The following BCL2 variants were observed in gnomAD, a reference collection of about 807,000 sequenced individuals.
BCL2 encodes the protein apoptosis regulator Bcl-2.
BCL2 carries 1 observed loss-of-function variant against 14.2 expected under a neutral mutation model. The observed-to-expected ratio is 0.07, with a 90% confidence interval of 0.02 to 0.33. The LOEUF (loss-of-function observed/expected upper bound fraction) is 0.33, where lower values mean the gene tolerates loss of function less well. Ranked by LOEUF, BCL2 falls within the 10% of genes least tolerant of loss-of-function variation. The pLI, the probability that BCL2 is intolerant of heterozygous loss-of-function variation, is 0.99. For synonymous variants in BCL2, 151 were observed against 137.2 expected, an observed-to-expected ratio of 1.10 and a Z score of -0.70; for missense variants, 247 against 305.9, an observed-to-expected ratio of 0.81 and a Z score of 1.44.
chr18:63,240,951 T>C (rs1467064599), intron 2 of BCL2, among the ~76,000 whole-genome samples: 2 of 152,234 alleles, frequency 1.3e-5, no homozygotes, highest in Non-Finnish European at 1.5e-5. Context: ...ATAAATACCA[T>C]GAAAATATCT....
chr18:63,177,677 A>G (rs932204936), intron 2 of BCL2, among the ~76,000 whole-genome samples: 1 of 152,220 alleles, frequency 6.6e-6, no homozygotes, highest in South Asian at 2.1e-4. Flanking sequence ...ATGAGTAACA[A>G]AGTTATTCTG....
intron 2 of BCL2, among the ~76,000 whole-genome samples, chr18:63,269,668 A>T (rs893556605): frequency 6.6e-6 from 1 of 152,210 alleles, no homozygotes; most frequent in African/African-American, 2.4e-5. Flanking sequence ...AGTTTAATTG[A>T]CTTAAAATAT....
At chr18:63,223,907 C>T (rs1316562135) in intron 2 of BCL2, among the ~76,000 whole-genome samples, 2 of 151,852 alleles carry the variant, frequency 1.3e-5, no homozygotes, top group African/African-American at 2.4e-5. Flanking sequence ...AAAGTCTCTA[C>T]AGGAAAGACA....
intron 2 of BCL2, among the ~76,000 whole-genome samples, chr18:63,216,790 AG>A (rs750784025): frequency 6.6e-6 from 1 of 152,260 alleles, no homozygotes; most frequent in Admixed American, 6.5e-5. Flanking sequence ...CACCAAAAAA[AG>A]ATTCCAATGT....
In BCL2 at chr18:63,319,326, G is replaced by A. The variant is rs1297876871; in HGVS notation, c.-439C>T. On this transcript the variant is annotated 5_prime_UTR_variant, in exon 1 of 3. Coordinates refer to ENST00000333681, the MANE Select transcript of BCL2 (RefSeq NM_000633.3). ...ATGAATCAGGAGTCGCGGGGAGAGG[G>A]AGTAAAAATTAGGAGGATTTCCAGA... The A allele has an allele frequency of 2.2e-5, 5 of 227,630 alleles. 1 individual carries two copies. The South Asian group carries it at 9.1e-4, about 42-fold the overall frequency. The allele number at this position is 227,630 out of a possible 1,614,324, so 14.1% of individuals were successfully genotyped here.
intron 2 of BCL2, among the ~76,000 whole-genome samples, chr18:63,212,449 G>A (rs1568235508): frequency 1.3e-5 from 2 of 151,898 alleles, no homozygotes; most frequent in African/African-American, 4.8e-5. Context: ...GCATTTAACA[G>A]CCACGTGAAG....
chr18:63,126,829 T>G lies in BCL2; in HGVS notation c.*1796A>C, dbSNP rs1272270111. 4.4e-6 allele frequency: 1 copy of G among 228,746 alleles called. No individual in the cohort carries two copies. The highest frequency in any genetic ancestry group is 8.7e-6 in the Non-Finnish European group (1 of 115,150). The allele number at this position is 228,746 out of a possible 1,614,324, so 14.2% of individuals were successfully genotyped here. ...ATGCATGTATTTTTTTAAAGCAGCT[T>G]TCGAAATATCAACCACAGCATTAAA... On this transcript the variant is annotated 3_prime_UTR_variant, in exon 3 of 3. Transcript: ENST00000333681.
intron 2 of BCL2, among the ~76,000 whole-genome samples, chr18:63,142,206 G>A (rs1395034507): frequency 6.6e-6 from 1 of 152,234 alleles, no homozygotes; most frequent in Non-Finnish European, 1.5e-5. Flanking sequence ...TTTGCTGAAA[G>A]TGGCCTCAGA....
chr18:63,310,188 T>G (rs984764118), intron 2 of BCL2, among the ~76,000 whole-genome samples: 4 of 152,172 alleles, frequency 2.6e-5, no homozygotes, highest in African/African-American at 9.7e-5. Context: ...TGATCCAAAG[T>G]TGGTTGAATC....
At chr18:63,281,235 T>C (rs1389894178) in intron 2 of BCL2, among the ~76,000 whole-genome samples, 1 of 152,088 alleles carries the variant, frequency 6.6e-6, no homozygotes, top group Non-Finnish European at 1.5e-5. Flanking sequence ...AAAAATAATC[T>C]GGTGATAAAT....
intron 2 of BCL2, among the ~76,000 whole-genome samples, chr18:63,165,049 T>G (rs532112686): frequency 6.6e-6 from 1 of 152,172 alleles, no homozygotes. Context: ...TGTGCACATG[T>G]ACCCTAAAAC....
At chr18:63,283,539 T>C (rs1016817425) in intron 2 of BCL2, among the ~76,000 whole-genome samples, 1 of 152,232 alleles carries the variant, frequency 6.6e-6, no homozygotes, top group Non-Finnish European at 1.5e-5. Flanking sequence ...AGTACAAATG[T>C]ACTGTATCTG....
At chr18:63,229,696 C>T (rs1910640756) in intron 2 of BCL2, among the ~76,000 whole-genome samples, 1 of 152,186 alleles carries the variant, frequency 6.6e-6, no homozygotes, top group African/African-American at 2.4e-5. Flanking sequence ...ATTCTGGCAC[C>T]ATGACTGTAC....
chr18:63,273,968 A>G (rs1268591369), intron 2 of BCL2, among the ~76,000 whole-genome samples: 1 of 152,206 alleles, frequency 6.6e-6, no homozygotes, highest in Non-Finnish European at 1.5e-5. Context: ...TATTCCTCAA[A>G]AAGGAGGGGA....
rs1394921437 is a variant in BCL2 at position 63,127,286 on chromosome 18, G to A, written c.*1339C>T. On this transcript the variant is annotated 3_prime_UTR_variant, in exon 3 of 3. Transcript: ENST00000333681. ...TGGGCCAAGGCCACACAGCCAACGTGCCATGTGCTACAGCCAAAATGGGCC... is the reference window on the plus strand; with the variant it reads ...TGGGCCAAGGCCACACAGCCAACGTACCATGTGCTACAGCCAAAATGGGCC... The A allele has an allele frequency of 1.3e-5, 3 of 231,472 alleles. No individual in the cohort carries two copies. Among genetic ancestry groups the A allele is most frequent in the Non-Finnish European group, 2.6e-5 (3 of 116,934 alleles). 14.3% of individuals were successfully genotyped at this position (231,472 alleles called of 1,614,324 possible). A position where few individuals can be genotyped will look rare whatever the true frequency, so the allele number is the denominator to read the frequency against.
rs1302467487 is a variant in BCL2 at position 63,126,310 on chromosome 18, A to C, written c.*2315T>G. On this transcript the variant is annotated 3_prime_UTR_variant, in exon 3 of 3. Coordinates refer to ENST00000333681, the MANE Select transcript of BCL2 (RefSeq NM_000633.3). ...AGACCCTGAAGGACAGCCATGAGAA[A>C]GCCCCCGCGGAAGGAGGGCAGGAGG... 1 of 221,180 alleles carries C rather than the reference A, an allele frequency of 4.5e-6. No homozygotes were observed. Among genetic ancestry groups the C allele is most frequent in the Non-Finnish European group, 9.1e-6 (1 of 110,048 alleles). 13.7% of individuals were successfully genotyped at this position (221,180 alleles called of 1,614,324 possible). A position where few individuals can be genotyped will look rare whatever the true frequency, so the allele number is the denominator to read the frequency against.
chr18:63,134,184 A>AT (rs1914147927), intron 2 of BCL2, among the ~76,000 whole-genome samples: 1 of 152,136 alleles, frequency 6.6e-6, no homozygotes, highest in East Asian at 1.9e-4. Context: ...GGCTATTCTG[A>AT]TTTTTTTCCT....
chr18:63,292,328 A>G (rs1395095228), intron 2 of BCL2, among the ~76,000 whole-genome samples: 2 of 152,038 alleles, frequency 1.3e-5, no homozygotes, highest in South Asian at 2.1e-4. Context: ...GGCCTACCCT[A>G]TTGTCCCAGA....
In BCL2 at chr18:63,128,544, T is replaced by A; in HGVS notation, c.*81A>T. 4.1e-6 allele frequency: 3 copies of A among 724,982 alleles called. No individual in the cohort carries two copies. 44.9% of individuals were successfully genotyped at this position (724,982 alleles called of 1,614,324 possible). A position where few individuals can be genotyped will look rare whatever the true frequency, so the allele number is the denominator to read the frequency against. On this transcript the variant is annotated 3_prime_UTR_variant, in exon 3 of 3. Coordinates refer to ENST00000333681, the MANE Select transcript of BCL2 (RefSeq NM_000633.3). ...TTAAACAGCCTGCAGCTTTGTTTCA[T>A]GGTACATCACTGACAATGCATATTA...
Sources: allele counts gnomAD v4.1 joint callset (sites outside exome capture counted in the v4.1 genomes callset), GRCh38; gene constraint gnomAD v4.1.1; transcripts MANE v1.5; gene names NCBI Gene and HGNC (gene_info 2026-07-23, HGNC 2026-07-21).